Variants in SPECC1 observed in about 807,000 individuals in gnomAD.
The protein encoded by SPECC1 is cytospin-B.
In SPECC1, 62 loss-of-function variants were observed where a neutral mutation model predicts 104.1. The observed-to-expected ratio is 0.60, with a 90% CI of 0.49 to 0.74. The LOEUF (loss-of-function observed/expected upper bound fraction) is 0.74, where lower values mean the gene tolerates loss of function less well. SPECC1 is among the 30% of genes least tolerant of loss of function. The pLI is 0.00. For synonymous variants in SPECC1, 513 were observed against 501.6 expected (o/e 1.02, Z -0.30); for missense variants, 1,306 against 1,310.5 (o/e 1.00, Z 0.05).
chr17:20,231,387 T>C (rs2038567391), intron 5 of SPECC1, among the ~76,000 whole-genome samples: 1 of 152,194 alleles, frequency 6.6e-6, no homozygotes, highest in Non-Finnish European at 1.5e-5. Context: ...CTCACAGCAA[T>C]AAAGGACACT....
intron 3 of SPECC1, chr17:20,156,353 C>A (rs2032523907): frequency 8.8e-7 from 1 of 1,140,208 alleles, no homozygotes; most frequent in Admixed American, 4.3e-5. Flanking sequence ...GGCTAAGGTC[C>A]TGGGGTGTGA....
In SPECC1 at chr17:20,205,914, T is replaced by G. The variant is rs755637685; in HGVS notation, c.1863+2T>G. The G allele has an allele frequency of 1.1e-5, 17 of 1,603,548 alleles. No homozygotes were observed. Among genetic ancestry groups the G allele is most frequent in the Admixed American group, 1.7e-5 (1 of 59,714 alleles). On this transcript the variant is annotated splice_donor_variant, in intron 4 of 14. Transcript: ENST00000395527. LOFTEE classifies it high-confidence loss of function. ...CATGTTTCCAGTCTGCTGGCCAAGG[T>G]GAGAAGAGACAGCTCTTTACTGGTA...
At chr17:20,135,216 G>GAA (rs2049855885) in intron 3 of SPECC1, among the ~76,000 whole-genome samples, 2 of 152,174 alleles carry the variant, frequency 1.3e-5, no homozygotes, top group Non-Finnish European at 2.9e-5. Context: ...TTAATACTGT[G>GAA]AAAGTACTGT....
intron 3 of SPECC1, among the ~76,000 whole-genome samples, chr17:20,173,325 C>G (rs1299676228): frequency 3.9e-5 from 6 of 152,154 alleles, no homozygotes; most frequent in Non-Finnish European, 8.8e-5. Context: ...AGTTTCTCTC[C>G]AGACTTTAAG....
Position 20,316,864 on chromosome 17 carries a change from T to G in SPECC1, c.*2799T>G, listed in dbSNP as rs2042046738. On this transcript the variant is annotated 3_prime_UTR_variant, in exon 15 of 15. Transcript: ENST00000395527. Reference sequence around the variant, plus strand: ...CTAGAACCAGCTCTGAGCAATGGCGTTGCGGTGTCCCTCCCTCCCCGCTGG... The same window carrying G: ...CTAGAACCAGCTCTGAGCAATGGCGGTGCGGTGTCCCTCCCTCCCCGCTGG... 1 of 212,004 alleles carries G rather than the reference T, an allele frequency of 4.7e-6. No homozygotes were observed. Among genetic ancestry groups the G allele is most frequent in the Non-Finnish European group, 9.6e-6 (1 of 104,562 alleles). 13.1% of individuals were successfully genotyped at this position (212,004 alleles called of 1,614,324 possible).
intron 3 of SPECC1, among the ~76,000 whole-genome samples, chr17:20,176,075 G>A (rs2034453108): frequency 6.6e-6 from 1 of 152,186 alleles, no homozygotes; most frequent in South Asian, 2.1e-4. Flanking sequence ...GCTTTCTGGA[G>A]CGAAAATTCT....
intron 3 of SPECC1, among the ~76,000 whole-genome samples, chr17:20,146,591 T>G (rs1000192852): frequency 1.3e-5 from 2 of 152,162 alleles, no homozygotes; most frequent in Non-Finnish European, 2.9e-5. Flanking sequence ...CTGGATCTTA[T>G]GATAAGAATA....
chr17:20,238,295 A>T, intron 7 of SPECC1: 1 of 1,040,620 alleles, frequency 9.6e-7, no homozygotes, highest in Non-Finnish European at 1.2e-6. Context: ...CCAGAAACTT[A>T]GTGTTCAAAT....
intron 3 of SPECC1, among the ~76,000 whole-genome samples, chr17:20,171,145 A>G (rs1218649527): frequency 6.6e-6 from 1 of 152,220 alleles, no homozygotes; most frequent in Non-Finnish European, 1.5e-5. Context: ...AGTATGCTGA[A>G]GATACATGGA....
At chr17:20,100,620 T>G (rs902458473) in intron 2 of SPECC1, among the ~76,000 whole-genome samples, 1 of 152,218 alleles carries the variant, frequency 6.6e-6, no homozygotes, top group African/African-American at 2.4e-5. Context: ...ATACCTGACT[T>G]TCTTTTTTTA....
chr17:20,222,547 G>A lies in SPECC1; in HGVS notation c.1864-4866G>A, dbSNP rs150519852. On this transcript the variant is annotated intron_variant, in intron 4 of 14. Transcript: ENST00000395527. ...TCTTATTAACTTTTTGTTGTTGTCT[G>A]TTGTTTCTATTTACAGCTTATTATA... is the stretch of plus-strand genomic sequence containing the variant. 6.6e-3 allele frequency among the ~76,000 whole-genome samples: 1,010 copies of A among 152,206 alleles called. 10 individuals are homozygous for A. Among genetic ancestry groups the A allele is most frequent in the African/African-American group, 0.023 (957 of 41,526 alleles).
intron 1 of SPECC1, among the ~76,000 whole-genome samples, chr17:20,075,247 T>C (rs917722329): frequency 1.3e-5 from 2 of 152,138 alleles, no homozygotes; most frequent in Non-Finnish European, 2.9e-5. Flanking sequence ...AATTTTGAGC[T>C]CTCACTGTAC....
At position 20,318,830 on chromosome 17, in the gene SPECC1, T is replaced by A. The variant is rs2042070721; in HGVS notation, c.*4765T>A. ...CATCCTGAATAGCACACTAATTTTT[T>A]TTTTTAGCACACTAACTTTAACTAC... On this transcript the variant is annotated 3_prime_UTR_variant, in exon 15 of 15. Transcript: ENST00000395527. 4.8e-6 allele frequency: 1 copy of A among 206,396 alleles called. No individual in the cohort carries two copies. 12.8% of individuals were successfully genotyped at this position (206,396 alleles called of 1,614,324 possible).
intron 12 of SPECC1, among the ~76,000 whole-genome samples, chr17:20,264,236 T>A (rs1452719949): frequency 6.6e-6 from 1 of 152,006 alleles, no homozygotes; most frequent in Non-Finnish European, 1.5e-5. Context: ...ATATATATAT[T>A]TTTATTTCAG....
intron 4 of SPECC1, among the ~76,000 whole-genome samples, chr17:20,223,622 G>C (rs2038028444): frequency 6.6e-6 from 1 of 151,024 alleles, no homozygotes; most frequent in Non-Finnish European, 1.5e-5. Flanking sequence ...GCAGTGAGCC[G>C]AGAAAGTACC....
intron 1 of SPECC1, among the ~76,000 whole-genome samples, chr17:20,076,537 T>C (rs540222396): frequency 6.6e-6 from 1 of 152,350 alleles, no homozygotes; most frequent in East Asian, 1.9e-4. Flanking sequence ...AATATTTTCT[T>C]AAGTGATTGG....
At chr17:20,107,530 C>G (rs944901027) in intron 2 of SPECC1, among the ~76,000 whole-genome samples, 1 of 150,126 alleles carries the variant, frequency 6.7e-6, no homozygotes, top group Non-Finnish European at 1.5e-5. Flanking sequence ...GATCTCGGCT[C>G]ACTGTAACCT....
At chr17:20,165,070 A>G (rs1285866296) in intron 3 of SPECC1, among the ~76,000 whole-genome samples, 2 of 152,176 alleles carry the variant, frequency 1.3e-5, no homozygotes, top group Non-Finnish European at 2.9e-5. Flanking sequence ...TTAAGGATAC[A>G]CGTGCATGAC....
At chr17:20,312,316 T>C (rs1390654417) in intron 14 of SPECC1, among the ~76,000 whole-genome samples, 1 of 151,934 alleles carries the variant, frequency 6.6e-6, no homozygotes, top group Admixed American at 6.6e-5. Flanking sequence ...TGCAGCATAC[T>C]CTGTCTTCTG....
Sources: gnomAD v4.1 joint callset for allele counts (sites outside exome capture counted in the v4.1 genomes callset) on GRCh38, gnomAD v4.1.1 for gene constraint, MANE v1.5 for transcripts, NCBI Gene and HGNC (gene_info 2026-07-23, HGNC 2026-07-21) for gene names.